Variants in PTPN3 observed in about 807,000 individuals in gnomAD.
The protein encoded by PTPN3 is tyrosine-protein phosphatase non-receptor type 3.
A neutral mutation model predicts 132.7 loss-of-function variants in PTPN3; 96 were observed. The ratio of observed to expected loss-of-function variants is 0.72; its 90% CI spans 0.61 to 0.86. PTPN3 has a LOEUF of 0.86. Ranked by LOEUF, PTPN3 falls within the 40% of genes least tolerant of loss-of-function variation. The pLI is 0.00. For missense variants in PTPN3, 1,125 were observed against 1,159.6 expected (o/e 0.97, Z 0.43); for synonymous variants, 398 against 429.0 (o/e 0.93, Z 0.89).
At chr9:109,473,100 C>CT (rs1846459428) in intron 1 of PTPN3, among the ~76,000 whole-genome samples, 1 of 152,082 alleles carries the variant, frequency 6.6e-6, no homozygotes, top group Non-Finnish European at 1.5e-5. Context: ...ATACTCGAGT[C>CT]TTCAGATTTT....
the PTPN3 span, among the ~76,000 whole-genome samples, chr9:109,506,969 T>C: frequency 6.6e-6 from 1 of 152,244 alleles, no homozygotes; most frequent in African/African-American, 2.4e-5. Context: ...AAAAAAGTAA[T>C]GAAGCATGCC....
At chr9:109,521,512 A>T in the PTPN3 span, among the ~76,000 whole-genome samples, 1 of 152,140 alleles carries the variant, frequency 6.6e-6, no homozygotes, top group African/African-American at 2.4e-5. Context: ...TCTGCCTGCA[A>T]CATGTCCCAC....
chr9:109,391,930 G>C (rs1840155964), intron 19 of PTPN3, among the ~76,000 whole-genome samples: 1 of 144,096 alleles, frequency 6.9e-6, no homozygotes, highest in African/African-American at 2.6e-5. Flanking sequence ...AATTAGTCTA[G>C]AATCATTTCC....
intron 22 of PTPN3, among the ~76,000 whole-genome samples, chr9:109,385,332 T>C (rs1839481903): frequency 6.6e-6 from 1 of 152,240 alleles, no homozygotes; most frequent in East Asian, 1.9e-4. Flanking sequence ...ATTACTTAAC[T>C]TCTTTGGGTC....
upstream of PTPN3, among the ~76,000 whole-genome samples, chr9:109,501,776 C>T (rs1034293801): frequency 8.5e-5 from 13 of 152,194 alleles, no homozygotes; most frequent in African/African-American, 1.2e-4. Context: ...CATAGATTAT[C>T]GTCTCTGGGC....
At chr9:109,411,365 T>G (rs1236251435) in intron 14 of PTPN3, among the ~76,000 whole-genome samples, 1 of 152,108 alleles carries the variant, frequency 6.6e-6, no homozygotes, top group Non-Finnish European at 1.5e-5. Context: ...CTTTCTTCCC[T>G]CTCCAGACCA....
In PTPN3 at chr9:109,429,057, C is replaced by T. The variant is rs546232214; in HGVS notation, c.765-373G>A. On this transcript the variant is annotated intron_variant, in intron 10 of 25. Transcript: ENST00000374541. ...CAGCTGAAAGAGGACAGACCTGGTC[C>T]GAACCCCAGCTCCATTACTTAACAG... 2,047 of 985,386 alleles carry T rather than the reference C, an allele frequency of 2.1e-3. 2 individuals carry two copies. Among genetic ancestry groups the T allele is most frequent in the Middle Eastern group, 3.1e-3 (6 of 1,914 alleles). 61.0% of individuals were successfully genotyped at this position (985,386 alleles called of 1,614,324 possible).
chr9:109,532,329 A>G, the PTPN3 span, among the ~76,000 whole-genome samples: 3 of 152,226 alleles, frequency 2.0e-5, no homozygotes, highest in Non-Finnish European at 4.4e-5. Context: ...TTCAGGAAGT[A>G]TGGAACAGAT....
chr9:109,437,111 C>A, intron 8 of PTPN3, 141 bp from the exon 9 acceptor site: 1 of 1,357,130 alleles, frequency 7.4e-7, no homozygotes, highest in Non-Finnish European at 9.8e-7. Context: ...CAATCTAATG[C>A]TAAATTCTAC....
intron 7 of PTPN3, among the ~76,000 whole-genome samples, chr9:109,441,776 C>G (rs1004240708): frequency 1.3e-5 from 2 of 150,588 alleles, no homozygotes; most frequent in Non-Finnish European, 2.9e-5. Context: ...TGGGGTTGCT[C>G]TGTTGCTCAG....
chr9:109,404,405 A>G (rs200637390), intron 19 of PTPN3, 43 bp downstream of exon 19: 3 of 1,321,328 alleles, frequency 2.3e-6, no homozygotes, highest in Non-Finnish European at 3.0e-6. Flanking sequence ...GGGCAGCCCA[A>G]TAGGCGACAT....
intron 2 of PTPN3, among the ~76,000 whole-genome samples, chr9:109,461,776 T>A (rs77732770): frequency 6.6e-6 from 1 of 150,416 alleles, no homozygotes; most frequent in Non-Finnish European, 1.5e-5. Flanking sequence ...AAAAAAAAAT[T>A]AGTTATTCAG....
intron 1 of PTPN3, among the ~76,000 whole-genome samples, chr9:109,472,167 G>A (rs1480190764): frequency 6.6e-6 from 1 of 152,214 alleles, no homozygotes; most frequent in Non-Finnish European, 1.5e-5. Context: ...CAGGAAAACT[G>A]CCATCATTCA....
At chr9:109,416,286 G>T (rs969894583) in intron 14 of PTPN3, among the ~76,000 whole-genome samples, 1 of 152,128 alleles carries the variant, frequency 6.6e-6, no homozygotes, top group African/African-American at 2.4e-5. Flanking sequence ...GTGGGCACCT[G>T]GGCTGTCTAA....
At chr9:109,427,584 T>G (rs188343067) in intron 11 of PTPN3, among the ~76,000 whole-genome samples, 77 of 152,378 alleles carry the variant, frequency 5.1e-4, no homozygotes, top group Non-Finnish European at 9.3e-4. Context: ...AGTGCTCATA[T>G]GTAATAATCA....
intron 17 of PTPN3, among the ~76,000 whole-genome samples, chr9:109,407,998 C>T (rs1841708399): frequency 6.6e-6 from 1 of 152,178 alleles, no homozygotes; most frequent in Admixed American, 6.5e-5. Flanking sequence ...CAGCAGACTG[C>T]CTAAGTTTCC....
intron 20 of PTPN3, 25 bp from the exon 21 acceptor site, chr9:109,391,224 G>C: frequency 6.3e-7 from 1 of 1,597,152 alleles, no homozygotes; most frequent in Admixed American, 1.7e-5. Context: ...AAAATTTACC[G>C]ATTATTCCGA....
intron 19 of PTPN3, among the ~76,000 whole-genome samples, chr9:109,396,782 G>A (rs1840632879): frequency 6.6e-6 from 1 of 152,194 alleles, no homozygotes; most frequent in African/African-American, 2.4e-5. Flanking sequence ...CTCCAATGTG[G>A]TAGGGGTGCA....
chr9:109,398,084 G>A (rs1375280296), intron 19 of PTPN3, among the ~76,000 whole-genome samples: 1 of 152,154 alleles, frequency 6.6e-6, no homozygotes, highest in Non-Finnish European at 1.5e-5. Flanking sequence ...GACTAACTTG[G>A]CCAACATGGT....
Sources: gnomAD v4.1 joint callset for allele counts (sites outside exome capture counted in the v4.1 genomes callset) on GRCh38, gnomAD v4.1.1 for gene constraint, MANE v1.5 for transcripts, NCBI Gene and HGNC (gene_info 2026-07-23, HGNC 2026-07-21) for gene names.